CNTN5: variants seen among roughly 807,000 people sequenced by gnomAD.
CNTN5 encodes the protein contactin-5.
A neutral mutation model predicts 129.1 loss-of-function variants in CNTN5; 77 were observed. The observed-to-expected ratio is 0.60, with a 90% CI of 0.50 to 0.72. The LOEUF is 0.72. CNTN5 is among the 30% of genes least tolerant of loss of function. The pLI is 0.00. For synonymous variants in CNTN5, 509 were observed against 465.6 expected (o/e 1.09, Z -1.20); for missense variants, 1,478 against 1,328.8 (o/e 1.11, Z -1.75).
chr11:99,460,790 A>C (rs1310146632), intron 2 of CNTN5, among the ~76,000 whole-genome samples: 1 of 152,046 alleles, frequency 6.6e-6, no homozygotes, highest in Non-Finnish European at 1.5e-5. Context: ...TGAGAGTTTA[A>C]AGTGATATAG....
Position 100,070,476 on chromosome 11 carries a change from C to T in CNTN5, c.1215C>T (p.Ser405=). 3 of 1,612,614 alleles carry T rather than the reference C, an allele frequency of 1.9e-6. No individual in the cohort carries two copies. Among genetic ancestry groups the T allele is most frequent in the South Asian group, 1.1e-5 (1 of 90,936 alleles). ...KLNDTQLDSG[S]PLRWECKATG... ...ATGATACTCAGTTAGACAGTGGGAG[C>T]CCTCTCCGATGGGAATGTAAGGCTA... is the stretch of plus-strand genomic sequence containing the variant. The change falls in exon 11 of 25, where the codon AGC becomes AGT. Residue 405 remains serine, a synonymous_variant. Transcript: ENST00000524871.
At chr11:100,022,678 C>T (rs771454203) in intron 9 of CNTN5, among the ~76,000 whole-genome samples, 2 of 152,120 alleles carry the variant, frequency 1.3e-5, no homozygotes, top group Non-Finnish European at 2.9e-5. Flanking sequence ...TTCTTTCGGC[C>T]TGTTCCTCCA....
intron 2 of CNTN5, among the ~76,000 whole-genome samples, chr11:99,533,430 C>T (rs1947788220): frequency 6.6e-6 from 1 of 152,198 alleles, no homozygotes. Context: ...TTTGATTGGT[C>T]AATGTAAATA....
chr11:100,269,728 G>A (rs1455539995), intron 17 of CNTN5, among the ~76,000 whole-genome samples: 1 of 152,126 alleles, frequency 6.6e-6, no homozygotes, highest in Non-Finnish European at 1.5e-5. Context: ...CTGGGCAGAA[G>A]AGGAAATTGG....
At chr11:99,361,955 A>G (rs749397895) in intron 2 of CNTN5, among the ~76,000 whole-genome samples, 10 of 152,116 alleles carry the variant, frequency 6.6e-5, no homozygotes, top group Non-Finnish European at 1.2e-4. Flanking sequence ...GTCCATCGTC[A>G]TACAAGCATC....
At position 99,842,465 on chromosome 11, in the gene CNTN5, C is replaced by T. The variant is rs1319792278; in HGVS notation, c.278-2387C>T. ...ATACTGTAAAGTAGGCATTATTATC[C>T]ACAAATAATACTTGAGTAGCAGATA... On this transcript the variant is annotated intron_variant, in intron 4 of 24. Coordinates refer to ENST00000524871, the MANE Select transcript of CNTN5 (RefSeq NM_014361.4). Among the ~76,000 whole-genome samples, 4 of 152,054 alleles carry T rather than the reference C, an allele frequency of 2.6e-5. No homozygotes were observed. In the East Asian group the frequency reaches 7.7e-4, roughly 29 times the overall value.
At chr11:99,729,920 G>C (rs1368203407) in intron 3 of CNTN5, among the ~76,000 whole-genome samples, 2 of 152,154 alleles carry the variant, frequency 1.3e-5, no homozygotes, top group African/African-American at 4.8e-5. Context: ...TACAGAGAGG[G>C]AGAGCATTAG....
At chr11:99,622,333 C>G (rs920813428) in intron 3 of CNTN5, among the ~76,000 whole-genome samples, 1 of 151,940 alleles carries the variant, frequency 6.6e-6, no homozygotes, top group Non-Finnish European at 1.5e-5. Flanking sequence ...AAATTAAAGC[C>G]CTATAGTATG....
chr11:99,427,196 G>A (rs555381824), intron 2 of CNTN5, among the ~76,000 whole-genome samples: 5 of 152,258 alleles, frequency 3.3e-5, no homozygotes, highest in South Asian at 4.1e-4. Flanking sequence ...GTCCTGAATC[G>A]TAAGTGAAGG....
chr11:99,952,664 G>A (rs11222015), intron 7 of CNTN5, among the ~76,000 whole-genome samples: 17,258 of 151,914 alleles, frequency 0.11, 1,249 homozygotes, highest in Non-Finnish European at 0.15. Context: ...CCCAAAGTGC[G>A]GGGATTACAG....
chr11:99,376,090 C>A (rs116460662), intron 2 of CNTN5, among the ~76,000 whole-genome samples: 102 of 152,080 alleles, frequency 6.7e-4, no homozygotes, highest in African/African-American at 2.5e-3. Context: ...ATAGTTTCAG[C>A]GAGGTAGGAT....
chr11:99,057,877 C>T (rs2135199011), intron 1 of CNTN5, among the ~76,000 whole-genome samples: 1 of 150,794 alleles, frequency 6.6e-6, no homozygotes, highest in African/African-American at 2.4e-5. Flanking sequence ...GTAGAAAAGA[C>T]ATTGTTGAAA....
At chr11:99,857,141 T>G (rs190101872) in intron 6 of CNTN5, among the ~76,000 whole-genome samples, 1 of 151,988 alleles carries the variant, frequency 6.6e-6, no homozygotes, top group Non-Finnish European at 1.5e-5. Flanking sequence ...TTCCTTTATT[T>G]ATTTCTGGTG....
At chr11:99,225,519 T>C (rs1315048613) in intron 1 of CNTN5, among the ~76,000 whole-genome samples, 1 of 152,140 alleles carries the variant, frequency 6.6e-6, no homozygotes, top group Non-Finnish European at 1.5e-5. Context: ...TTACATTCTA[T>C]CATGAGAAAT....
At chr11:99,907,751 A>G (rs974172725) in intron 6 of CNTN5, among the ~76,000 whole-genome samples, 5 of 151,920 alleles carry the variant, frequency 3.3e-5, no homozygotes, top group African/African-American at 7.2e-5. Context: ...ACTTTTTTCT[A>G]TGTTAGGTTT....
chr11:99,502,082 G>A (rs1399324920), intron 2 of CNTN5, among the ~76,000 whole-genome samples: 1 of 152,076 alleles, frequency 6.6e-6, no homozygotes, highest in East Asian at 1.9e-4. Flanking sequence ...TCATAACATT[G>A]TATTCCCTCA....
chr11:99,868,080 G>C (rs1367620807), intron 6 of CNTN5, among the ~76,000 whole-genome samples: 2 of 152,108 alleles, frequency 1.3e-5, no homozygotes, highest in Non-Finnish European at 2.9e-5. Context: ...GCTGGGCGTG[G>C]TGGCATATGC....
chr11:99,637,626 AGTTT>A lies in CNTN5; in HGVS notation c.55+81362_55+81365del, dbSNP rs551926547. ...AATGGGCATTTCTCATATTCTTTTT[AGTTT>A]GTTTTTAAACTTCTCACGTTTTTTG... is the stretch of plus-strand genomic sequence containing the variant. On this transcript the variant is annotated intron_variant, in intron 3 of 24. Transcript: ENST00000524871. Among the ~76,000 whole-genome samples the A allele has an allele frequency of 4.4e-3, 672 of 152,198 alleles. 6 individuals are homozygous for A. The highest frequency in any genetic ancestry group is 0.015 in the African/African-American group (635 of 41,562).
intron 2 of CNTN5, among the ~76,000 whole-genome samples, chr11:99,483,584 G>T (rs1945689543): frequency 1.3e-5 from 2 of 152,074 alleles, no homozygotes; most frequent in Admixed American, 1.3e-4. Flanking sequence ...AGCCTCCCTG[G>T]TGCCAGCTGT....
Sources: gnomAD v4.1 joint callset for allele counts (sites outside exome capture counted in the v4.1 genomes callset) on GRCh38, gnomAD v4.1.1 for gene constraint, MANE v1.5 for transcripts, NCBI Gene and HGNC (gene_info 2026-07-23, HGNC 2026-07-21) for gene names.